Variants in WNK2 observed in about 807,000 individuals in gnomAD.
WNK2 encodes WNK lysine deficient protein kinase 2.
Under a neutral mutation model 192.1 loss-of-function variants are expected in WNK2, and 67 were observed. The observed-to-expected ratio is 0.35, with a 90% CI of 0.29 to 0.43. The LOEUF is 0.43. Among genes scored for constraint, WNK2 ranks in the 20% least tolerant of loss-of-function variants. The probability of loss-of-function intolerance (pLI) is 1.00; values close to 1 mark genes in which losing one functional copy is unlikely to be tolerated. For synonymous variants in WNK2, 1,439 were observed against 1,393.9 expected, an observed-to-expected ratio of 1.03 and a Z score of -0.72; for missense variants, 2,698 against 3,089.7, an observed-to-expected ratio of 0.87 and a Z score of 3.01.
chr9:93,256,740 G>A, intron 10 of WNK2: 2 of 676,202 alleles, frequency 3.0e-6, no homozygotes, highest in Non-Finnish European at 4.9e-6. Context: ...GCTGTGCCCT[G>A]GCTCCAGGCT....
At chr9:93,252,422 C>T (rs1038840819) in intron 8 of WNK2, among the ~76,000 whole-genome samples, 13 of 152,276 alleles carry the variant, frequency 8.5e-5, no homozygotes, top group Non-Finnish European at 1.9e-4. Flanking sequence ...TGTTTGGGCC[C>T]TTTGCCATGG....
In WNK2 at chr9:93,292,745, C is replaced by T. The variant is rs1176421494; in HGVS notation, c.5280C>T (p.Ala1760=). Residue 1760 remains alanine, a synonymous_variant, in exon 23 of 30, where the codon GCC becomes GCT. Coordinates refer to ENST00000427277, the MANE Select transcript of WNK2 (RefSeq NM_006648.4). ...GCACTCAGGACGAGTGGACCCTGGCCTCCCCCCACAGCCTGAGATACTCTG... is the reference window on the plus strand; with the variant it reads ...GCACTCAGGACGAGTGGACCCTGGCTTCCCCCCACAGCCTGAGATACTCTG... ...VVSTQDEWTL[A]SPHSLRYSAP... 5 of 1,562,966 alleles carry T rather than the reference C, an allele frequency of 3.2e-6. No homozygotes were observed. Among genetic ancestry groups the T allele is most frequent in the Non-Finnish European group, 4.3e-6 (5 of 1,154,836 alleles).
chr9:93,299,570 C>T (rs951905937), intron 25 of WNK2, among the ~76,000 whole-genome samples: 7 of 152,050 alleles, frequency 4.6e-5, no homozygotes, highest in African/African-American at 9.7e-5. Context: ...TGTGCTCCGG[C>T]GCCAGTTCCC....
At chr9:93,261,793 C>T in intron 12 of WNK2, 21 bp from the exon 13 acceptor site, 2 of 1,576,290 alleles carry the variant, frequency 1.3e-6, no homozygotes, top group East Asian at 2.3e-5. Flanking sequence ...CTGACTTGCA[C>T]CTTGTCCCCT....
At chr9:93,226,475 A>T (rs570367365) in intron 2 of WNK2, among the ~76,000 whole-genome samples, 1 of 151,688 alleles carries the variant, frequency 6.6e-6, no homozygotes, top group Non-Finnish European at 1.5e-5. Context: ...TTTACATATG[A>T]AAAATTGAAG....
At chr9:93,223,181 G>A (rs1837223505) in intron 2 of WNK2, among the ~76,000 whole-genome samples, 1 of 152,222 alleles carries the variant, frequency 6.6e-6, no homozygotes, top group Admixed American at 6.5e-5. Flanking sequence ...GCTGGTCAGT[G>A]GCAGATGCCT....
intron 2 of WNK2, among the ~76,000 whole-genome samples, chr9:93,191,363 T>C (rs1056068694): frequency 6.6e-6 from 1 of 152,114 alleles, no homozygotes; most frequent in Non-Finnish European, 1.5e-5. Flanking sequence ...GTATGTTGAC[T>C]CAGTGAGCAT....
intron 7 of WNK2, among the ~76,000 whole-genome samples, chr9:93,246,797 AAGGG>A (rs1841782445): frequency 6.6e-6 from 1 of 152,182 alleles, no homozygotes; most frequent in Admixed American, 6.5e-5. Flanking sequence ...GGTGCTCAGG[AAGGG>A]AGGGGAAGTG....
chr9:93,319,830 C>T (rs978847828), intron 29 of WNK2, among the ~76,000 whole-genome samples: 4 of 152,190 alleles, frequency 2.6e-5, no homozygotes, highest in Admixed American at 6.5e-5. Flanking sequence ...TGGGACTCAG[C>T]GCATGGTGGC....
intron 2 of WNK2, among the ~76,000 whole-genome samples, chr9:93,210,453 A>G (rs747687984): frequency 2.0e-5 from 3 of 152,072 alleles, no homozygotes; most frequent in African/African-American, 7.2e-5. Flanking sequence ...GAGTGGGACC[A>G]CACTGTCTGC....
At chr9:93,218,057 C>T (rs550527319) in intron 2 of WNK2, among the ~76,000 whole-genome samples, 4 of 152,146 alleles carry the variant, frequency 2.6e-5, no homozygotes, top group African/African-American at 7.2e-5. Flanking sequence ...GGCCTGCCTT[C>T]GAGGGGCCAC....
chr9:93,308,989 G>A, intron 28 of WNK2: 1 of 1,027,212 alleles, frequency 9.7e-7, no homozygotes, highest in Admixed American at 5.2e-5. Flanking sequence ...TCACCCAAGT[G>A]ACACCAGCGT....
At chr9:93,317,430 G>A in intron 28 of WNK2, 90 bp from the exon 29 acceptor site, 1 of 1,291,008 alleles carries the variant, frequency 7.7e-7, no homozygotes, top group South Asian at 1.3e-5. Context: ...TCCTGAGGAT[G>A]GAGAAACTGT....
At position 93,261,940 on chromosome 9, in the gene WNK2, C is replaced by T; in HGVS notation, c.3193C>T (p.Leu1065Phe). 3.7e-6 allele frequency: 6 copies of T among 1,610,838 alleles called. No homozygotes were observed. Among genetic ancestry groups the T allele is most frequent in the Non-Finnish European group, 4.2e-6 (5 of 1,179,754 alleles). The change falls in exon 13 of 30, where the codon CTC becomes TTC. Residue 1065 changes from leucine to phenylalanine, a missense_variant. Leu to Phe is a conservative substitution (Grantham distance 22, BLOSUM62 0). Around this residue, in one of 7 missense-constraint regions of WNK2, gnomAD observed 893 missense variants for 909.0 expected, o/e 0.98. Coordinates refer to ENST00000427277, the MANE Select transcript of WNK2 (RefSeq NM_006648.4). ...AGTGCTGCTGCCTGCCGCCCCTGAGCTCCTGCCTCAGTTCCCCAGCTCCCT... is the reference window on the plus strand; with the variant it reads ...AGTGCTGCTGCCTGCCGCCCCTGAGTTCCTGCCTCAGTTCCCCAGCTCCCT... The part of the protein sequence containing the change: ...PEVLLPAAPE[L>F]LPQFPSSLAT...
chr9:93,245,248 C>T (rs575361056), intron 7 of WNK2, among the ~76,000 whole-genome samples: 4 of 152,356 alleles, frequency 2.6e-5, no homozygotes, highest in South Asian at 4.1e-4. Flanking sequence ...TGAATACTTT[C>T]GTGTCTGCTT....
intron 27 of WNK2, chr9:93,307,067 T>C (rs978409220): frequency 5.3e-6 from 3 of 564,646 alleles, no homozygotes; most frequent in Non-Finnish European, 9.5e-6. Context: ...TCTAACGGGC[T>C]TATCCTTCCC....
chr9:93,318,013 C>T, intron 29 of WNK2: 1 of 1,612,774 alleles, frequency 6.2e-7, no homozygotes, highest in Non-Finnish European at 8.5e-7. Flanking sequence ...GGCTTCAGAC[C>T]CTGTTCGCTC....
intron 12 of WNK2, among the ~76,000 whole-genome samples, chr9:93,260,882 C>T (rs536839563): frequency 6.6e-6 from 1 of 152,314 alleles, no homozygotes; most frequent in Admixed American, 6.5e-5. Flanking sequence ...GGAGGGGGAC[C>T]TTGCTGTCTG....
intron 2 of WNK2, among the ~76,000 whole-genome samples, chr9:93,196,101 A>G (rs546178483): frequency 2.6e-5 from 4 of 152,040 alleles, no homozygotes; most frequent in African/African-American, 7.2e-5. Context: ...TGCGAGGGGG[A>G]AGGTGTTGGG....
Sources: gnomAD v4.1 joint callset for allele counts (sites outside exome capture counted in the v4.1 genomes callset) on GRCh38, gnomAD v4.1.1 for gene constraint, gnomAD v4.1.1 regional missense constraint, MANE v1.5 for transcripts, NCBI Gene and HGNC (gene_info 2026-07-23, HGNC 2026-07-21) for gene names.